The following MTHFD2L variants were observed in gnomAD, a reference collection of about 807,000 sequenced individuals.
The protein encoded by MTHFD2L is methylenetetrahydrofolate dehydrogenase (NADP+ dependent) 2 like, also known as bifunctional methylenetetrahydrofolate dehydrogenase/cyclohydrolase 2, mitochondrial.
MTHFD2L carries 29 observed loss-of-function variants against 34.9 expected under a neutral mutation model. The observed-to-expected ratio is 0.83, with a 90% CI of 0.62 to 1.13. The LOEUF is 1.13. MTHFD2L is among the 50% of genes most tolerant of loss of function. The pLI is 0.00. For missense variants in MTHFD2L, 481 were observed against 446.5 expected, an observed-to-expected ratio of 1.08 and a Z score of -0.70; for synonymous variants, 167 against 155.7, an observed-to-expected ratio of 1.07 and a Z score of -0.54.
intron 1 of MTHFD2L, chr4:74,160,107 C>A (rs1239654334): frequency 1.6e-6 from 2 of 1,288,020 alleles, no homozygotes; most frequent in South Asian, 2.5e-5. Flanking sequence ...TGTCTGCCTC[C>A]CCACTTGTCC....
chr4:74,215,034 G>A (rs1391263558), intron 5 of MTHFD2L, among the ~76,000 whole-genome samples: 1 of 151,662 alleles, frequency 6.6e-6, no homozygotes, highest in Non-Finnish European at 1.5e-5. Context: ...GTAAATGGTG[G>A]ACTGCCCCCC....
chr4:74,185,976 A>T (rs1278486362), intron 3 of MTHFD2L, among the ~76,000 whole-genome samples: 1 of 152,206 alleles, frequency 6.6e-6, no homozygotes, highest in Non-Finnish European at 1.5e-5. Flanking sequence ...TAGATTCAAA[A>T]GGTATTAACA....
At chr4:74,147,107 T>C (rs2109847941) in intron 1 of MTHFD2L, among the ~76,000 whole-genome samples, 1 of 152,336 alleles carries the variant, frequency 6.6e-6, no homozygotes, top group African/African-American at 2.4e-5. Flanking sequence ...CTTGTGGATG[T>C]ACATCTATGT....
intron 1 of MTHFD2L, among the ~76,000 whole-genome samples, chr4:74,126,412 T>G (rs1421838743): frequency 6.6e-6 from 1 of 152,106 alleles, no homozygotes; most frequent in African/African-American, 2.4e-5. Context: ...ACAAAGGTCA[T>G]AGTAGTGGTG....
At chr4:74,214,294 G>T (rs1022075248) in intron 5 of MTHFD2L, among the ~76,000 whole-genome samples, 1 of 151,806 alleles carries the variant, frequency 6.6e-6, no homozygotes, top group South Asian at 2.1e-4. Flanking sequence ...GAGGCGTTCT[G>T]GTTTTTGGAA....
In MTHFD2L at chr4:74,175,310, A is replaced by G. The variant is rs1449872796; in HGVS notation, c.358A>G (p.Lys120Glu). The G allele has an allele frequency of 6.2e-7, 1 of 1,613,074 alleles. No individual in the cohort carries two copies. Among genetic ancestry groups the G allele is most frequent in the African/African-American group, 1.3e-5 (1 of 74,864 alleles). Residue 120 changes from lysine (K) to glutamate (E), a missense_variant, in exon 3 of 8, where the codon AAG becomes GAG. Coordinates refer to ENST00000325278, the MANE Select transcript of MTHFD2L (RefSeq NM_001144978.3). The stretch of plus-strand genomic sequence containing the variant: ...TTGTAGTGAGCTCATTCTAAAACCT[A>G]AGGATGTTTCTCAGGAAGAACTTTT... ...GICSELILKPKDVSQEELLDV... is the reference protein window; with the variant it reads ...GICSELILKPEDVSQEELLDV...
intron 3 of MTHFD2L, among the ~76,000 whole-genome samples, chr4:74,190,190 A>G (rs917492987): frequency 1.3e-5 from 2 of 152,176 alleles, no homozygotes; most frequent in African/African-American, 4.8e-5. Flanking sequence ...GTTTTCTTCT[A>G]TAGAATACAC....
At chr4:74,117,918 A>G (rs537796173) in intron 2 of MTHFD2L, among the ~76,000 whole-genome samples, 1 of 152,228 alleles carries the variant, frequency 6.6e-6, no homozygotes, top group Non-Finnish European at 1.5e-5. Context: ...TATCGATGAT[A>G]TAATACTCTG....
chr4:74,205,788 A>C (rs1735191012), intron 5 of MTHFD2L, among the ~76,000 whole-genome samples: 1 of 152,082 alleles, frequency 6.6e-6, no homozygotes, highest in South Asian at 2.1e-4. Context: ...AGTAGGTGAG[A>C]GATGGTTCCT....
At chr4:74,145,176 AC>A (rs1723519701) in intron 1 of MTHFD2L, among the ~76,000 whole-genome samples, 1 of 151,892 alleles carries the variant, frequency 6.6e-6, no homozygotes, top group African/African-American at 2.4e-5. Flanking sequence ...AAAAAAAAAA[AC>A]CCAAATCATT....
chr4:74,145,682 T>C lies in MTHFD2L; in HGVS notation c.-296-14373T>C, dbSNP rs564545197. Among the ~76,000 whole-genome samples the C allele has an allele frequency of 3.9e-5, 6 of 152,322 alleles. No homozygotes were observed. In the South Asian group the frequency reaches 1.2e-3, roughly 32 times the overall value. ...GTCCCCACCCAAATCTCATGTCAAA[T>C]TGTTACTCCCAATGTTGAAGATCAG... is the stretch of plus-strand genomic sequence containing the variant. On this transcript the variant is annotated intron_variant, in intron 1 of 7. Transcript: ENST00000433372.
At chr4:74,175,186 C>T (rs1272071263) in intron 2 of MTHFD2L, 95 bp from the exon 3 acceptor site, 46 of 1,320,914 alleles carry the variant, frequency 3.5e-5, no homozygotes, top group Admixed American at 1.4e-4. Flanking sequence ...GAACCTTTCA[C>T]GGCAGTAGGA....
chr4:74,206,364 A>AG (rs1293858199), intron 5 of MTHFD2L, among the ~76,000 whole-genome samples: 1 of 152,088 alleles, frequency 6.6e-6, no homozygotes, highest in Non-Finnish European at 1.5e-5. Flanking sequence ...GTTGTTAACC[A>AG]GGGGCCTTGA....
In MTHFD2L at chr4:74,174,669, A is replaced by G. The variant is rs373211286; in HGVS notation, c.307A>G (p.Ile103Val). The change falls in exon 2 of 8, where the codon ATA (isoleucine) becomes GTA (valine). Residue 103 changes from isoleucine (I) to valine (V), a missense_variant. Physicochemically the swap from Ile to Val is conservative, Grantham distance 29 (BLOSUM62 3). Coordinates refer to ENST00000325278, the MANE Select transcript of MTHFD2L (RefSeq NM_001144978.3). ...AAGCCATACATATGTCAGGAATAAG[A>G]TAAGAGCTGCCTCTGCTGTAGGTGG... The part of the protein sequence containing the change: ...PASHTYVRNK[I>V]RAASAVGICS... 2.6e-6 allele frequency: 4 copies of G among 1,554,678 alleles called. No homozygotes were observed. In the African/African-American group the frequency reaches 4.2e-5, roughly 16 times the overall value.
chr4:74,295,445 TA>T (rs375004452), intron 7 of MTHFD2L, among the ~76,000 whole-genome samples: 33 of 152,258 alleles, frequency 2.2e-4, no homozygotes, highest in African/African-American at 7.5e-4. Context: ...GGTACTCCCA[TA>T]AGTGCCTGAA....
At chr4:74,131,843 G>T (rs1286806905) in intron 1 of MTHFD2L, among the ~76,000 whole-genome samples, 1 of 152,056 alleles carries the variant, frequency 6.6e-6, no homozygotes, top group Admixed American at 6.5e-5. Context: ...ATCTGACAAA[G>T]GGCTAATATC....
intron 7 of MTHFD2L, among the ~76,000 whole-genome samples, chr4:74,286,342 AGATT>A (rs1342603344): frequency 6.6e-6 from 1 of 152,188 alleles, no homozygotes; most frequent in East Asian, 1.9e-4. Flanking sequence ...TTTGCTATAT[AGATT>A]ATTACTTTTT....
intron 1 of MTHFD2L, among the ~76,000 whole-genome samples, chr4:74,170,962 A>G (rs899035963): frequency 7.0e-5 from 8 of 114,360 alleles, no homozygotes; most frequent in African/African-American, 2.7e-4. Context: ...GGAACATCAC[A>G]CTTCGGGGAC....
At chr4:74,187,818 C>T (rs1250845782) in intron 3 of MTHFD2L, among the ~76,000 whole-genome samples, 2 of 151,468 alleles carry the variant, frequency 1.3e-5, no homozygotes, top group Non-Finnish European at 2.9e-5. Context: ...CACACACACA[C>T]ACACACACAC....
Sources: allele counts gnomAD v4.1 joint callset (sites outside exome capture counted in the v4.1 genomes callset), GRCh38; gene constraint gnomAD v4.1.1; transcripts MANE v1.5; gene names NCBI Gene and HGNC (gene_info 2026-07-23, HGNC 2026-07-21).